ATAD1: variants seen among roughly 807,000 people sequenced by gnomAD.
ATAD1 encodes the protein ATPase family AAA domain containing 1.
In ATAD1, 18 loss-of-function variants were observed where a neutral mutation model predicts 42.7. The ratio of observed to expected loss-of-function variants is 0.42; its 90% CI spans 0.29 to 0.63. ATAD1 has a LOEUF of 0.63. ATAD1 is among the 20% of genes least tolerant of loss of function. ATAD1 has a pLI of 0.19. For missense variants in ATAD1, 294 were observed against 440.4 expected (o/e 0.67, Z 2.98); for synonymous variants, 132 against 143.1 (o/e 0.92, Z 0.55).
chr10:87,763,247 T>C (rs1854581785), intron 8 of ATAD1, among the ~76,000 whole-genome samples: 1 of 152,146 alleles, frequency 6.6e-6, no homozygotes, highest in South Asian at 2.1e-4. Context: ...TTTTATCTCA[T>C]TCTTAAAGGG....
chr10:87,799,060 G>T (rs549619096), intron 2 of ATAD1, among the ~76,000 whole-genome samples: 1 of 152,148 alleles, frequency 6.6e-6, no homozygotes, highest in South Asian at 2.1e-4. Flanking sequence ...CAGGAAAAAA[G>T]AGAAGACTCG....
intron 2 of ATAD1, among the ~76,000 whole-genome samples, chr10:87,800,527 G>A (rs976478743): frequency 2.0e-5 from 3 of 151,820 alleles, no homozygotes; most frequent in African/African-American, 7.3e-5. Flanking sequence ...TTAGTAACTG[G>A]TCTAACATAT....
chr10:87,774,951 T>A (rs2131833861), intron 6 of ATAD1, among the ~76,000 whole-genome samples: 1 of 152,170 alleles, frequency 6.6e-6, no homozygotes, highest in Middle Eastern at 3.4e-3. Flanking sequence ...TGAGACCCTG[T>A]CTCAACAAAA....
At chr10:87,756,726 AAACT>A in intron 9 of ATAD1, 59 bp downstream of exon 9, 1 of 1,436,504 alleles carries the variant, frequency 7.0e-7, no homozygotes. Context: ...AAAATAAAAG[AAACT>A]AACCTAAAAG....
chr10:87,818,384 C>G (rs953081598), upstream of ATAD1: 1 of 424,942 alleles, frequency 2.4e-6, no homozygotes, highest in Non-Finnish European at 3.1e-6. Flanking sequence ...AAGCTACCTG[C>G]TAGACTGAGA....
chr10:87,826,836 A>G (rs1271588635), intron 1 of ATAD1, among the ~76,000 whole-genome samples: 2 of 152,192 alleles, frequency 1.3e-5, no homozygotes, highest in Middle Eastern at 3.2e-3. Context: ...ATTTTGTCTT[A>G]TTTTTGATGA....
chr10:87,816,731 G>C (rs1166584835), intron 1 of ATAD1, among the ~76,000 whole-genome samples: 1 of 152,132 alleles, frequency 6.6e-6, no homozygotes, highest in East Asian at 1.9e-4. Context: ...GACTTTTCTA[G>C]TCTTTATTCC....
At chr10:87,784,274 A>C (rs1456276772) in intron 5 of ATAD1, among the ~76,000 whole-genome samples, 196 bp downstream of exon 5, 3 of 152,194 alleles carry the variant, frequency 2.0e-5, no homozygotes. Context: ...AAGACAGAAA[A>C]ACCTATCTAT....
intron 8 of ATAD1, among the ~76,000 whole-genome samples, chr10:87,761,049 A>T (rs987150618): frequency 6.6e-6 from 1 of 151,998 alleles, no homozygotes; most frequent in Admixed American, 6.6e-5. Context: ...AGATGAACTC[A>T]AAGTCTGGAA....
intron 1 of ATAD1, among the ~76,000 whole-genome samples, chr10:87,835,246 G>A (rs982511053): frequency 6.6e-6 from 1 of 151,878 alleles, no homozygotes; most frequent in African/African-American, 2.4e-5. Context: ...GGTACGGTTG[G>A]GTTGATGGTA....
At chr10:87,825,434 C>A (rs547305755) in intron 1 of ATAD1, among the ~76,000 whole-genome samples, 1 of 151,776 alleles carries the variant, frequency 6.6e-6, no homozygotes, top group Non-Finnish European at 1.5e-5. Flanking sequence ...TTCAGCCTCC[C>A]GAGTAGCTGA....
At chr10:87,761,733 T>C (rs1033892423) in intron 8 of ATAD1, among the ~76,000 whole-genome samples, 1 of 152,048 alleles carries the variant, frequency 6.6e-6, no homozygotes, top group African/African-American at 2.4e-5. Context: ...AGCAGAATAC[T>C]GAATACTAAA....
At chr10:87,773,540 G>A (rs551040700) in intron 6 of ATAD1, among the ~76,000 whole-genome samples, 33 of 151,788 alleles carry the variant, frequency 2.2e-4, no homozygotes, top group Non-Finnish European at 4.3e-4. Flanking sequence ...TTTAACCCCC[G>A]CCCCCAAAAT....
At chr10:87,818,976 G>A (rs369026301), upstream of ATAD1, 19 of 152,330 alleles carry the variant, frequency 1.2e-4, 1 homozygote, top group African/African-American at 4.1e-4. Context: ...ACAAACTGCC[G>A]GTGGGCCAGA....
At chr10:87,798,343 T>C (rs1167292352) in intron 2 of ATAD1, among the ~76,000 whole-genome samples, 1 of 152,202 alleles carries the variant, frequency 6.6e-6, no homozygotes, top group Non-Finnish European at 1.5e-5. Flanking sequence ...CCGTAGGTTT[T>C]ATGGCACCAC....
chr10:87,772,581 G>T (rs1405267478), intron 6 of ATAD1, among the ~76,000 whole-genome samples: 1 of 152,028 alleles, frequency 6.6e-6, no homozygotes, highest in African/African-American at 2.4e-5. Context: ...TCAATATTTG[G>T]GGGGGAAAAA....
At chr10:87,831,816 A>G (rs1167045518) in intron 1 of ATAD1, among the ~76,000 whole-genome samples, 2 of 152,238 alleles carry the variant, frequency 1.3e-5, no homozygotes, top group East Asian at 3.8e-4. Flanking sequence ...CAAACACTTT[A>G]TATAGTATTT....
intron 5 of ATAD1, 81 bp from the exon 6 acceptor site, chr10:87,776,508 G>T: frequency 8.6e-7 from 1 of 1,169,200 alleles, no homozygotes; most frequent in Non-Finnish European, 1.3e-6. Flanking sequence ...TCACTCTGTT[G>T]CCCAGGCTGG....
At chr10:87,780,213 G>T (rs986830574) in intron 5 of ATAD1, among the ~76,000 whole-genome samples, 1 of 152,154 alleles carries the variant, frequency 6.6e-6, no homozygotes, top group Non-Finnish European at 1.5e-5. Context: ...AGTCTGAAAA[G>T]ATTACATAAT....
Sources: gnomAD v4.1 joint callset for allele counts (sites outside exome capture counted in the v4.1 genomes callset) on GRCh38, gnomAD v4.1.1 for gene constraint, MANE v1.5 for transcripts, NCBI Gene and HGNC (gene_info 2026-07-23, HGNC 2026-07-21) for gene names.